CACNA1D: variants seen among roughly 807,000 people sequenced by gnomAD.
The protein encoded by CACNA1D is calcium voltage-gated channel subunit alpha1 D.
Under a neutral mutation model 257.1 loss-of-function variants are expected in CACNA1D, and 55 were observed. The observed-to-expected ratio is 0.21, with a 90% CI of 0.17 to 0.27. CACNA1D has a LOEUF of 0.27. CACNA1D is among the 10% of genes least tolerant of loss of function. The probability of loss-of-function intolerance (pLI) is 1.00; values close to 1 mark genes in which losing one functional copy is unlikely to be tolerated. For synonymous variants in CACNA1D, 980 were observed against 1,014.9 expected, an observed-to-expected ratio of 0.97 and a Z score of 0.65; for missense variants, 1,876 against 2,784.0, an observed-to-expected ratio of 0.67 and a Z score of 7.34.
chr3:53,775,965 A>G lies in CACNA1D; in HGVS notation c.4282A>G (p.Asn1428Asp), dbSNP rs762646899. Reference protein sequence around the residue: ...GKLCDPESDYNPGEEYTCGSN... With the variant: ...GKLCDPESDYDPGEEYTCGSN... ...GCTCTGTGACCCTGAGTCAGATTAC[A>G]ACCCCGGGGAGGAGTATACATGTGG... The change falls in exon 35 of 48, where the codon AAC (asparagine) becomes GAC (aspartate). Residue 1428 changes from asparagine (N) to aspartate (D), a missense_variant. By Grantham distance (23) the Asn-to-Asp change is conservative. This residue lies in a region of CACNA1D where 83 missense variants were observed against 210.7 expected (regional missense o/e 0.39). Coordinates refer to ENST00000350061, the MANE Select transcript of CACNA1D (RefSeq NM_001128840.3). 151 of 1,613,860 alleles carry G rather than the reference A, an allele frequency of 9.4e-5. No homozygotes were observed. The highest frequency in any genetic ancestry group is 1.2e-4 in the Non-Finnish European group (147 of 1,179,838).
At chr3:53,752,069 A>G (rs1437402151) in intron 28 of CACNA1D, among the ~76,000 whole-genome samples, 162 bp downstream of exon 28, 1 of 152,150 alleles carries the variant, frequency 6.6e-6, no homozygotes, top group African/African-American at 2.4e-5. Context: ...GACAGTTGTC[A>G]CGGTAGGAGT....
At chr3:53,727,392 G>T (rs2094946319) in intron 15 of CACNA1D, among the ~76,000 whole-genome samples, 1 of 152,216 alleles carries the variant, frequency 6.6e-6, no homozygotes, top group African/African-American at 2.4e-5. Context: ...GACTTCCTAA[G>T]ACCCTTCGTG....
Position 53,761,660 on chromosome 3 carries a change from C to T in CACNA1D, c.3787-338C>T, listed in dbSNP as rs112741978. ...CAGATCGTGAGGGTTTGGGATCATC[C>T]CTCTGGGTACCAGGACAAGGTTGCC... On this transcript the variant is annotated intron_variant, in intron 29 of 47. Coordinates refer to ENST00000350061, the MANE Select transcript of CACNA1D (RefSeq NM_001128840.3). 6.9e-3 allele frequency among the ~76,000 whole-genome samples: 1,052 copies of T among 152,288 alleles called. 13 individuals carry two copies. The highest frequency in any genetic ancestry group is 0.024 in the African/African-American group (1,015 of 41,568).
At chr3:53,607,393 C>T (rs1415723642) in intron 3 of CACNA1D, among the ~76,000 whole-genome samples, 1 of 152,154 alleles carries the variant, frequency 6.6e-6, no homozygotes, top group Non-Finnish European at 1.5e-5. Flanking sequence ...ATCACATGGA[C>T]CCTTAAAATC....
rs2095473792 is a variant in CACNA1D at position 53,789,647 on chromosome 3, A to G, written c.4923+2695A>G. ...GCCTCCTCCCACAGCAGGGTGCCCC[A>G]TGGCTGGCAGACTGCGTGCTAATGG... On this transcript the variant is annotated intron_variant, in intron 40 of 47. Transcript: ENST00000350061. The surrounding 1 kb of genome is among the most constrained non-coding windows in gnomAD (Gnocchi z 4.2). 6.6e-6 allele frequency among the ~76,000 whole-genome samples: 1 copy of G among 152,214 alleles called. No homozygotes were observed. Among genetic ancestry groups the G allele is most frequent in the South Asian group, 2.1e-4 (1 of 4,832 alleles).
At chr3:53,559,733 G>C (rs2092704739) in intron 3 of CACNA1D, among the ~76,000 whole-genome samples, 1 of 152,180 alleles carries the variant, frequency 6.6e-6, no homozygotes, top group Non-Finnish European at 1.5e-5. Context: ...TAACTCTCTT[G>C]AGCTTCCTTG....
At chr3:53,691,597 A>C (rs1035018013) in intron 8 of CACNA1D, among the ~76,000 whole-genome samples, 1 of 147,908 alleles carries the variant, frequency 6.8e-6, no homozygotes, top group Non-Finnish European at 1.5e-5. Context: ...AAGGAGATAC[A>C]GTGAAAGGAA....
At chr3:53,546,631 C>T (rs1420980103) in intron 3 of CACNA1D, among the ~76,000 whole-genome samples, 3 of 152,166 alleles carry the variant, frequency 2.0e-5, no homozygotes, top group Non-Finnish European at 4.4e-5. Context: ...ACTTTTGCCC[C>T]TTGTCTCCTA....
chr3:53,724,527 T>G (rs931815130), intron 14 of CACNA1D, among the ~76,000 whole-genome samples: 1 of 152,198 alleles, frequency 6.6e-6, no homozygotes, highest in Non-Finnish European at 1.5e-5. Flanking sequence ...AGGGTGCCTG[T>G]CCTGTGGGGC....
intron 3 of CACNA1D, among the ~76,000 whole-genome samples, chr3:53,587,285 C>T (rs1306762332): frequency 1.3e-5 from 2 of 151,976 alleles, no homozygotes; most frequent in South Asian, 2.1e-4. Context: ...TGGGAAGATT[C>T]GAGAACTATT....
rs1217787212 is a variant in CACNA1D at position 53,740,268 on chromosome 3, T to G, written c.2752-12T>G. The G allele has an allele frequency of 6.3e-7, 1 of 1,598,008 alleles. No homozygotes were observed. ...AATTCCTTTTCTCACTCCCACATGTTGTGCCTTGCAGATACTGGGTTACTT... is the reference window on the plus strand; with the variant it reads ...AATTCCTTTTCTCACTCCCACATGTGGTGCCTTGCAGATACTGGGTTACTT... On this transcript the variant is annotated splice_polypyrimidine_tract_variant and intron_variant, in intron 20 of 47. Transcript: ENST00000350061.
intron 40 of CACNA1D, among the ~76,000 whole-genome samples, chr3:53,796,870 T>C (rs556504503): frequency 6.6e-6 from 1 of 152,330 alleles, no homozygotes; most frequent in South Asian, 2.1e-4. Context: ...ATGTTTATAT[T>C]TTATAGCAAC....
intron 29 of CACNA1D, among the ~76,000 whole-genome samples, chr3:53,756,729 AGATT>A (rs1401126649): frequency 1.3e-5 from 2 of 152,282 alleles, no homozygotes; most frequent in East Asian, 1.9e-4. Context: ...CCAAGGAGGA[AGATT>A]GATTAAGAAG....
intron 8 of CACNA1D, among the ~76,000 whole-genome samples, chr3:53,680,596 G>T (rs1313495574): frequency 6.6e-6 from 1 of 152,164 alleles, no homozygotes; most frequent in African/African-American, 2.4e-5. Context: ...TAGGGGAAGA[G>T]AATTCATTAC....
intron 8 of CACNA1D, chr3:53,679,269 TCAAAAAAAAAA>T (rs2094405358): frequency 1.6e-4 from 1 of 6,372 alleles, no homozygotes; most frequent in African/African-American, 3.3e-4. Context: ...AAACTCCATC[TCAAAAAAAAAA>T]AAAAAAAAAA....
chr3:53,530,864 T>TC (rs2091924824), intron 3 of CACNA1D, among the ~76,000 whole-genome samples: 1 of 152,078 alleles, frequency 6.6e-6, no homozygotes, highest in African/African-American at 2.4e-5. Context: ...TTTTTTTTTT[T>TC]CTGAGACAAG....
At chr3:53,588,226 G>T (rs1372684942) in intron 3 of CACNA1D, among the ~76,000 whole-genome samples, 2 of 152,172 alleles carry the variant, frequency 1.3e-5, no homozygotes, top group African/African-American at 4.8e-5. Flanking sequence ...GTCCTCCTCG[G>T]ATTTCAAGGG....
At chr3:53,694,815 C>G (rs1453363262) in intron 8 of CACNA1D, among the ~76,000 whole-genome samples, 2 of 152,164 alleles carry the variant, frequency 1.3e-5, no homozygotes, top group African/African-American at 4.8e-5. Context: ...GCTGAAGCTG[C>G]TGTTGGTTAT....
chr3:53,727,083 G>A lies in CACNA1D; in HGVS notation c.2221+84G>A, dbSNP rs1356593254. 1.4e-5 allele frequency: 21 copies of A among 1,496,480 alleles called. No homozygotes were observed. In the East Asian group the frequency reaches 4.3e-4, roughly 31 times the overall value. The allele number at this position is 1,496,480 out of a possible 1,614,324, so 92.7% of individuals were successfully genotyped here. ...TCCTCTGCATTTCTCTGTGGTGATG[G>A]TGGTGGTAGTAGTTGTGGCAGGGAG... is the stretch of plus-strand genomic sequence containing the variant. On this transcript the variant is annotated intron_variant, in intron 15 of 47. Coordinates refer to ENST00000350061, the MANE Select transcript of CACNA1D (RefSeq NM_001128840.3).
Sources: gnomAD v4.1 joint callset for allele counts (sites outside exome capture counted in the v4.1 genomes callset) on GRCh38, gnomAD v4.1.1 for gene constraint, gnomAD v4.1.1 regional missense constraint, Gnocchi (gnomAD v3.1) non-coding constraint, MANE v1.5 for transcripts, NCBI Gene and HGNC (gene_info 2026-07-23, HGNC 2026-07-21) for gene names.